ACSL5: variants seen among roughly 807,000 people sequenced by gnomAD.
ACSL5 encodes long-chain-fatty-acid--CoA ligase 5.
ACSL5 carries 50 observed loss-of-function variants against 84.9 expected under a neutral mutation model. The ratio of observed to expected loss-of-function variants is 0.59; its 90% CI spans 0.47 to 0.75. The LOEUF is 0.75. ACSL5 is among the 30% of genes least tolerant of loss of function. The pLI is 0.00. For missense variants in ACSL5, 775 were observed against 830.4 expected (o/e 0.93, Z 0.82); for synonymous variants, 280 against 300.7 (o/e 0.93, Z 0.71).
rs1408411962 is a variant in ACSL5, at chr10:112,428,197, G to A, written c.*839G>A. 5.5e-6 allele frequency: 2 copies of A among 364,376 alleles called. No homozygotes were observed. Among genetic ancestry groups the A allele is most frequent in the Non-Finnish European group, 9.8e-6 (2 of 204,912 alleles). The allele number at this position is 364,376 out of a possible 1,614,324, so 22.6% of individuals were successfully genotyped here. A position where few individuals can be genotyped will look rare whatever the true frequency, so the allele number is the denominator to read the frequency against. On this transcript the variant is annotated 3_prime_UTR_variant, in exon 21 of 21. Transcript: ENST00000354655. ...AGCAAGCACTGAATAAAAACCTCCT[G>A]AACTGGGAACAAAGATCTACAGGCA...
chr10:112,426,808 A>T lies in ACSL5; in HGVS notation c.1860A>T (p.Leu620Phe), dbSNP rs1335239691. The part of the protein sequence containing the change: ...CQNQVVREAI[L>F]EDLQKIGKES... ...CTTAGGTTGTAAGGGAAGCCATTTTAGAAGACTTGCAGAAAATTGGGAAAG... is the reference window on the plus strand; with the variant it reads ...CTTAGGTTGTAAGGGAAGCCATTTTTGAAGACTTGCAGAAAATTGGGAAAG... The change falls in exon 20 of 21, where the codon TTA becomes TTT. Residue 620 changes from leucine (L) to phenylalanine (F), a missense_variant. Coordinates refer to ENST00000354655, the MANE Select transcript of ACSL5 (RefSeq NM_203379.2). 2 of 1,614,040 alleles carry T rather than the reference A, an allele frequency of 1.2e-6. No homozygotes were observed. Among genetic ancestry groups the T allele is most frequent in the Non-Finnish European group, 1.7e-6 (2 of 1,179,902 alleles).
At chr10:112,391,263 A>G (rs1467833147) in intron 1 of ACSL5, among the ~76,000 whole-genome samples, 1 of 152,010 alleles carries the variant, frequency 6.6e-6, no homozygotes, top group South Asian at 2.1e-4. Context: ...CCTGCTACTC[A>G]GGAGGCTGAG....
chr10:112,394,809 CGT>C lies in ACSL5; in HGVS notation c.-29-98_-29-97del, dbSNP rs759062236. 2,038 of 1,500,284 alleles carry C rather than the reference CGT, an allele frequency of 1.4e-3. 7 individuals are homozygous for C. Among genetic ancestry groups the C allele is most frequent in the East Asian group, 5.1e-3 (222 of 43,506 alleles). The allele number at this position is 1,500,284 out of a possible 1,614,324, so 92.9% of individuals were successfully genotyped here. On this transcript the variant is annotated intron_variant, in intron 1 of 20. Transcript: ENST00000354655. ...GTTTGAGGGTTTGAAGGCGTGCGCG[CGT>C]GTGTGTGTGTATGTGTGTGTGTGTG...
At chr10:112,396,740 A>G (rs1239225767) in intron 2 of ACSL5, among the ~76,000 whole-genome samples, 2 of 152,056 alleles carry the variant, frequency 1.3e-5, no homozygotes, top group Non-Finnish European at 2.9e-5. Context: ...AGTTAAATGT[A>G]TCTCTTCTTA....
intron 3 of ACSL5, among the ~76,000 whole-genome samples, chr10:112,403,566 A>T (rs1322560906): frequency 2.6e-5 from 4 of 152,236 alleles, no homozygotes; most frequent in Admixed American, 6.5e-5. Context: ...GATTACAGGC[A>T]TGAGCCACTG....
At chr10:112,425,725 G>A (rs1378184323) in intron 18 of ACSL5, 3 of 357,730 alleles carry the variant, frequency 8.4e-6, no homozygotes, top group Non-Finnish European at 1.5e-5. Flanking sequence ...ATACTAAAAG[G>A]TAATGATTCA....
Position 112,398,986 on chromosome 10 carries a change from T to C in ACSL5, c.242T>C (p.Phe81Ser), listed in dbSNP as rs912875099. ...FSDAKTMYEV[F>S]QRGLAVSDNG... ...GATGCCAAGACTATGTATGAGGTTT[T>C]CCAAAGAGGACTCGCTGTGTCTGGT... The change falls in exon 3 of 21, where the codon TTC (phenylalanine) becomes TCC (serine). Residue 81 changes from phenylalanine (F) to serine (S), a missense_variant. Physicochemically the swap from Phe to Ser is radical, Grantham distance 155. Transcript: ENST00000354655. 1 of 1,613,876 alleles carries C rather than the reference T, an allele frequency of 6.2e-7. No individual in the cohort carries two copies. Among genetic ancestry groups the C allele is most frequent in the Non-Finnish European group, 8.5e-7 (1 of 1,179,916 alleles).
chr10:112,415,144 T>G (rs938061513), intron 12 of ACSL5, among the ~76,000 whole-genome samples: 3 of 152,260 alleles, frequency 2.0e-5, no homozygotes, highest in African/African-American at 7.2e-5. Flanking sequence ...TCAGAGATAG[T>G]TATTGTATAA....
At chr10:112,407,295 C>A (rs575164810) in intron 5 of ACSL5, among the ~76,000 whole-genome samples, 1 of 152,138 alleles carries the variant, frequency 6.6e-6, no homozygotes, top group Non-Finnish European at 1.5e-5. Context: ...GCCATCTCAG[C>A]TCACTGCAAC....
At chr10:112,422,828 C>G (rs938092952) in intron 17 of ACSL5, among the ~76,000 whole-genome samples, 1 of 148,544 alleles carries the variant, frequency 6.7e-6, no homozygotes, top group South Asian at 2.2e-4. Context: ...TGCACTCCAG[C>G]CTGGGTGACA....
intron 1 of ACSL5, among the ~76,000 whole-genome samples, chr10:112,392,724 G>A (rs1417509391): frequency 6.8e-6 from 1 of 146,870 alleles, no homozygotes; most frequent in East Asian, 2.1e-4. Flanking sequence ...CTGGGTGACA[G>A]AGCGAGATTC....
intron 1 of ACSL5, among the ~76,000 whole-genome samples, chr10:112,377,130 G>A (rs1037209484): frequency 6.6e-6 from 1 of 151,814 alleles, no homozygotes; most frequent in Non-Finnish European, 1.5e-5. Context: ...CTCTACCACC[G>A]GGGCTTGGTA....
At chr10:112,378,844 A>G (rs968867366) in intron 1 of ACSL5, among the ~76,000 whole-genome samples, 1 of 152,164 alleles carries the variant, frequency 6.6e-6, no homozygotes, top group African/African-American at 2.4e-5. Context: ...AGGGCCTGAC[A>G]CTTCCTAGGT....
chr10:112,400,725 T>A (rs888367240), intron 3 of ACSL5, among the ~76,000 whole-genome samples: 1 of 152,070 alleles, frequency 6.6e-6, no homozygotes, highest in African/African-American at 2.4e-5. Context: ...GTTAATTTTT[T>A]TAATTTTTTG....
intron 2 of ACSL5, 121 bp from the exon 3 acceptor site, chr10:112,398,780 G>A (rs576411684): frequency 3.3e-5 from 25 of 763,716 alleles, no homozygotes; most frequent in Admixed American, 2.1e-4. Flanking sequence ...ATTGACTAGC[G>A]AAGAGAACAT....
At chr10:112,394,207 T>C (rs886592232) in intron 1 of ACSL5, among the ~76,000 whole-genome samples, 3 of 152,220 alleles carry the variant, frequency 2.0e-5, no homozygotes, top group East Asian at 3.8e-4. Flanking sequence ...AACTCTTCAA[T>C]GCTCACCACG....
At chr10:112,414,105 G>A (rs1244052098) in intron 12 of ACSL5, among the ~76,000 whole-genome samples, 2 of 152,118 alleles carry the variant, frequency 1.3e-5, no homozygotes, top group African/African-American at 2.4e-5. Flanking sequence ...TAGTCATGTT[G>A]ATGACTAGCA....
chr10:112,401,786 C>CTCTCTCTTTCTT (rs1280459085), intron 3 of ACSL5, among the ~76,000 whole-genome samples: 11 of 119,394 alleles, frequency 9.2e-5, no homozygotes, highest in African/African-American at 2.9e-4. Flanking sequence ...TTCTTTCTTT[C>CTCTCTCTTTCTT]TCTTTCTTTC....
chr10:112,411,416 T>A, intron 9 of ACSL5, 40 bp from the exon 10 acceptor site: 1 of 1,534,508 alleles, frequency 6.5e-7, no homozygotes, highest in South Asian at 1.1e-5. Context: ...ACCTATTAGC[T>A]ACATAAAGTA....
Sources: gnomAD v4.1 joint callset for allele counts (sites outside exome capture counted in the v4.1 genomes callset) on GRCh38, gnomAD v4.1.1 for gene constraint, MANE v1.5 for transcripts, NCBI Gene and HGNC (gene_info 2026-07-23, HGNC 2026-07-21) for gene names.